The following SEMA6A variants were observed in gnomAD, a reference collection of about 807,000 sequenced individuals.
The protein encoded by SEMA6A is semaphorin 6A, also known as semaphorin-6A.
Under a neutral mutation model 96.8 loss-of-function variants are expected in SEMA6A, and 25 were observed. The observed-to-expected ratio is 0.26, with a 90% CI of 0.19 to 0.36. The LOEUF is 0.36. Ranked by LOEUF, SEMA6A falls within the 10% of genes least tolerant of loss-of-function variation. SEMA6A has a pLI of 1.00. For missense variants in SEMA6A, 1,363 were observed against 1,323.1 expected (o/e 1.03, Z -0.47); for synonymous variants, 612 against 518.0 (o/e 1.18, Z -2.46).
intron 1 of SEMA6A, among the ~76,000 whole-genome samples, chr5:116,561,132 T>C (rs1760804087): frequency 6.6e-6 from 1 of 152,214 alleles, no homozygotes; most frequent in African/African-American, 2.4e-5. Context: ...GAACCTGTTA[T>C]CTCATCTTTA....
At chr5:116,545,823 T>G (rs1286748171) in intron 1 of SEMA6A, among the ~76,000 whole-genome samples, 1 of 152,194 alleles carries the variant, frequency 6.6e-6, no homozygotes, top group Non-Finnish European at 1.5e-5. Flanking sequence ...GGATGAAGAC[T>G]TGGAGATGCC....
chr5:116,573,304 C>A (rs1170093067), intron 1 of SEMA6A, among the ~76,000 whole-genome samples: 1 of 152,182 alleles, frequency 6.6e-6, no homozygotes, highest in Non-Finnish European at 1.5e-5. Context: ...CCTTCCCCCT[C>A]CTGGGTCATC....
At chr5:116,464,913 A>G (rs1755635917) in intron 18 of SEMA6A, among the ~76,000 whole-genome samples, 1 of 152,194 alleles carries the variant, frequency 6.6e-6, no homozygotes, top group Admixed American at 6.5e-5. Flanking sequence ...CCAAAATAAA[A>G]TGGGCAATGG....
At chr5:116,486,627 T>G in intron 10 of SEMA6A, 122 bp downstream of exon 10, 1 of 761,580 alleles carries the variant, frequency 1.3e-6, no homozygotes, top group Non-Finnish European at 2.2e-6. Flanking sequence ...TAAGTGCTTC[T>G]TAGCTACACA....
intron 5 of SEMA6A, chr5:116,495,726 T>G: frequency 4.0e-6 from 2 of 496,028 alleles, no homozygotes; most frequent in South Asian, 2.6e-5. Flanking sequence ...AAGCATAGAA[T>G]GGAAGATTGT....
chr5:116,545,977 C>G (rs1237933517), intron 1 of SEMA6A, among the ~76,000 whole-genome samples: 1 of 152,144 alleles, frequency 6.6e-6, no homozygotes, highest in Non-Finnish European at 1.5e-5. Context: ...CACAGTAGAG[C>G]TATTTCAGGA....
chr5:116,489,472 G>A (rs1385332347), intron 7 of SEMA6A, among the ~76,000 whole-genome samples: 1 of 152,198 alleles, frequency 6.6e-6, no homozygotes, highest in African/African-American at 2.4e-5. Flanking sequence ...CTGATCAGGT[G>A]AGAGAAGTTG....
chr5:116,478,186 T>C, intron 13 of SEMA6A, 32 bp from the exon 14 acceptor site: 1 of 1,608,494 alleles, frequency 6.2e-7, no homozygotes, highest in Non-Finnish European at 8.5e-7. Context: ...ATATCATTAA[T>C]AGACTCTTCT....
chr5:116,547,454 G>A (rs1056040395), intron 1 of SEMA6A, among the ~76,000 whole-genome samples: 18 of 152,114 alleles, frequency 1.2e-4, no homozygotes, highest in Admixed American at 7.2e-4. Flanking sequence ...GACATGTGTT[G>A]TAGAAAATAA....
rs1274473279 is a variant in SEMA6A, at chr5:116,482,438, A to T, written c.1094+6T>A. 2 of 1,612,088 alleles carry T rather than the reference A, an allele frequency of 1.2e-6. No homozygotes were observed. Among genetic ancestry groups the T allele is most frequent in the African/African-American group, 2.7e-5 (2 of 74,872 alleles). On this transcript the variant is annotated splice_donor_region_variant and intron_variant, in intron 11 of 18. Transcript: ENST00000343348. ...TTAAAATAGCCATATGAATATTTGCACATACCTGGGCTTAGGAACTCGTTC... is the reference window on the plus strand; with the variant it reads ...TTAAAATAGCCATATGAATATTTGCTCATACCTGGGCTTAGGAACTCGTTC...
At chr5:116,533,075 C>T (rs1000908237) in intron 1 of SEMA6A, among the ~76,000 whole-genome samples, 2 of 152,202 alleles carry the variant, frequency 1.3e-5, no homozygotes, top group Admixed American at 1.3e-4. Flanking sequence ...TCCTATCACA[C>T]ATCTATTTGG....
At chr5:116,458,724 A>G (rs1720550999) in intron 18 of SEMA6A, among the ~76,000 whole-genome samples, 1 of 152,124 alleles carries the variant, frequency 6.6e-6, no homozygotes, top group Non-Finnish European at 1.5e-5. Flanking sequence ...CATGGCTGAC[A>G]TTTAACTTTT....
rs1395174230 is a variant in SEMA6A at position 116,448,750 on chromosome 5, CCTCTCAAAAAAAAAA to C, written c.1895-954_1895-940del. Among the ~76,000 whole-genome samples the C allele has an allele frequency of 1.8e-4, 18 of 100,366 alleles. No individual in the cohort carries two copies. The South Asian group carries it at 5.3e-3, about 30-fold the overall frequency. 65.8% of individuals were successfully genotyped at this position (100,366 alleles called of 152,430 possible). On this transcript the variant is annotated intron_variant, in intron 18 of 18. Transcript: ENST00000343348. ...AAATGTTTGTGCTGATTTTGCATCA[CCTCTCAAAAAAAAAA>C]AAAAAAAAAAACAGTGCAAACTCAA...
intron 1 of SEMA6A, among the ~76,000 whole-genome samples, chr5:116,525,155 T>C (rs1361458143): frequency 1.3e-5 from 2 of 152,220 alleles, no homozygotes; most frequent in East Asian, 3.8e-4. Context: ...GCACCTACTG[T>C]GTGCCAGGCA....
intron 6 of SEMA6A, 33 bp downstream of exon 6, chr5:116,495,380 G>A: frequency 1.4e-6 from 2 of 1,477,942 alleles, no homozygotes; most frequent in Non-Finnish European, 9.4e-7. Context: ...ATGCCTCCTG[G>A]CAGTGTGGTT....
In SEMA6A at chr5:116,559,078, T is replaced by C. The variant is rs1359403291; in HGVS notation, c.-39+15107A>G. Among the ~76,000 whole-genome samples the C allele has an allele frequency of 3.3e-5, 5 of 152,234 alleles. 1 individual carries two copies. Among genetic ancestry groups the C allele is most frequent in the Admixed American group, 3.3e-4 (5 of 15,282 alleles). ...CATTTTTAACAGTGGTTTTTATAGA[T>C]GCAATGAATGTGCTTCCGTCTTCCT... On this transcript the variant is annotated intron_variant, in intron 1 of 18. Coordinates refer to ENST00000343348, the MANE Select transcript of SEMA6A (RefSeq NM_020796.5).
At chr5:116,491,947 G>T in intron 6 of SEMA6A, 117 bp from the exon 7 acceptor site, 1 of 783,370 alleles carries the variant, frequency 1.3e-6, no homozygotes. Context: ...CTTTGAGATG[G>T]ACCCTGTTGA....
At chr5:116,508,113 G>A (rs888031892) in intron 1 of SEMA6A, 1 of 152,120 alleles carries the variant, frequency 6.6e-6, no homozygotes, top group Admixed American at 6.5e-5. Flanking sequence ...GTTGCCATGA[G>A]CCAAATGAAC....
intron 18 of SEMA6A, among the ~76,000 whole-genome samples, chr5:116,462,211 T>TGA (rs1341971865): frequency 6.6e-6 from 1 of 152,158 alleles, no homozygotes; most frequent in East Asian, 1.9e-4. Context: ...GTAGGATCTA[T>TGA]GATTAACTAT....
Sources: gnomAD v4.1 joint callset for allele counts (sites outside exome capture counted in the v4.1 genomes callset) on GRCh38, gnomAD v4.1.1 for gene constraint, MANE v1.5 for transcripts, NCBI Gene and HGNC (gene_info 2026-07-23, HGNC 2026-07-21) for gene names.